IFIH1: variants seen among roughly 807,000 people sequenced by gnomAD.
The protein encoded by IFIH1 is interferon induced with helicase C domain 1, also known as interferon-induced helicase C domain-containing protein 1.
IFIH1 carries 125 observed loss-of-function variants against 107.4 expected under a neutral mutation model. The ratio of observed to expected loss-of-function variants is 1.16; its 90% CI spans 1.01 to 1.35. IFIH1 has a LOEUF of 1.35. Ranked by LOEUF, IFIH1 falls within the 40% of genes most tolerant of loss-of-function variation. The pLI, the probability that IFIH1 is intolerant of heterozygous loss-of-function variation, is 0.00. For synonymous variants in IFIH1, 458 were observed against 413.2 expected (o/e 1.11, Z -1.31); for missense variants, 1,333 against 1,213.7 (o/e 1.10, Z -1.46).
intron 4 of IFIH1, among the ~76,000 whole-genome samples, chr2:162,289,034 G>A (rs537460631): frequency 7.0e-4 from 106 of 151,614 alleles, no homozygotes; most frequent in African/African-American, 2.5e-3. Context: ...AGAGAGTAGA[G>A]GAAAAAACTC....
Position 162,303,639 on chromosome 2 carries a change from TAGAG to T in IFIH1, c.769+3066_769+3069del, listed in dbSNP as rs764448853. On this transcript the variant is annotated intron_variant, in intron 3 of 15. Transcript: ENST00000649979. ...AAGGAAGGGAAGGGAAGGAGGGAGATAGAGAGGAAGGAACCCAAGAGGAAAAAAA... is the reference window on the plus strand; with the variant it reads ...AAGGAAGGGAAGGGAAGGAGGGAGATAGGAAGGAACCCAAGAGGAAAAAAA... 2.3e-4 allele frequency among the ~76,000 whole-genome samples: 35 copies of T among 149,210 alleles called. 1 individual carries two copies. In the East Asian group the frequency reaches 2.6e-3, roughly 11 times the overall value.
intron 2 of IFIH1, 119 bp downstream of exon 2, chr2:162,310,644 TTC>T (rs1683370145): frequency 1.4e-6 from 1 of 735,106 alleles, no homozygotes. Context: ...ATCACATATG[TTC>T]CACTCTTAAA....
chr2:162,282,379 A>T lies in IFIH1; in HGVS notation c.1293T>A (p.Gly431=), dbSNP rs1682826273. The change falls in exon 6 of 16, where the codon GGT becomes GGA. Residue 431 remains glycine, a synonymous_variant. Coordinates refer to ENST00000649979, the MANE Select transcript of IFIH1 (RefSeq NM_022168.4). ...LLNLENGEDA[G]VQLSDFSLII... ...ACTTAAACTGACCTGACAATTGAAC[A>T]CCAGCATCTTCTCCATTTTCCAAGT... 6.2e-7 allele frequency: 1 copy of T among 1,608,434 alleles called. No individual in the cohort carries two copies. Among genetic ancestry groups the T allele is most frequent in the Admixed American group, 1.7e-5 (1 of 59,722 alleles).
chr2:162,299,418 A>G (rs1298242882), intron 3 of IFIH1, among the ~76,000 whole-genome samples: 1 of 152,180 alleles, frequency 6.6e-6, no homozygotes, highest in Non-Finnish European at 1.5e-5. Flanking sequence ...ATACGAATAC[A>G]CTAAGGGTGC....
At chr2:162,300,142 G>T (rs1221864162) in intron 3 of IFIH1, among the ~76,000 whole-genome samples, 1 of 152,088 alleles carries the variant, frequency 6.6e-6, no homozygotes, top group Non-Finnish European at 1.5e-5. Flanking sequence ...CTTCATTAGA[G>T]TATAAACTTT....
At chr2:162,299,337 C>T (rs1408715777) in intron 3 of IFIH1, among the ~76,000 whole-genome samples, 1 of 152,136 alleles carries the variant, frequency 6.6e-6, no homozygotes, top group African/African-American at 2.4e-5. Context: ...ACCTCTTTGG[C>T]TGGTAAGCAC....
intron 2 of IFIH1, among the ~76,000 whole-genome samples, chr2:162,308,807 A>G (rs1308921545): frequency 6.6e-6 from 1 of 152,220 alleles, no homozygotes; most frequent in East Asian, 1.9e-4. Context: ...CCCAAAATTC[A>G]TATCTTTACT....
intron 3 of IFIH1, among the ~76,000 whole-genome samples, chr2:162,305,078 A>G (rs974419654): frequency 6.6e-6 from 1 of 152,200 alleles, no homozygotes; most frequent in African/African-American, 2.4e-5. Context: ...AGTCATTAAA[A>G]ACCAGGCTGT....
Position 162,288,172 on chromosome 2 carries a change from G to GC in IFIH1, c.1057dup (p.Ala353GlyfsTer3). 6.2e-7 allele frequency: 1 copy of GC among 1,612,266 alleles called. No individual in the cohort carries two copies. The highest frequency in any genetic ancestry group is 1.1e-5 in the South Asian group (1 of 91,044). ...AACTATAACTTTTCCAGGCTCAGATGCTTTTTTCTTCTTGTCTAAGTGATC... is the reference window on the plus strand; with the variant it reads ...AACTATAACTTTTCCAGGCTCAGATGCCTTTTTTCTTCTTGTCTAAGTGATC... On this transcript the variant is annotated frameshift_variant, in exon 5 of 16. Transcript: ENST00000649979. LOFTEE classifies it high-confidence loss of function.
At chr2:162,295,946 A>T (rs1156814886) in intron 3 of IFIH1, among the ~76,000 whole-genome samples, 1 of 152,100 alleles carries the variant, frequency 6.6e-6, no homozygotes, top group Non-Finnish European at 1.5e-5. Context: ...GAGGCAAAAA[A>T]GTGAATTTTG....
intron 8 of IFIH1, among the ~76,000 whole-genome samples, chr2:162,279,781 C>A (rs1682773501): frequency 6.6e-6 from 1 of 152,004 alleles, no homozygotes; most frequent in Non-Finnish European, 1.5e-5. Context: ...AATGAATAAG[C>A]TATTCCTCAT....
chr2:162,295,738 C>T (rs772620033), intron 3 of IFIH1, among the ~76,000 whole-genome samples: 1 of 151,876 alleles, frequency 6.6e-6, no homozygotes, highest in Non-Finnish European at 1.5e-5. Flanking sequence ...TATGGCACCT[C>T]GCAATTCCCA....
Position 162,282,394 on chromosome 2 carries a change from A to T in IFIH1, c.1278T>A (p.Asn426Lys). Residue 426 changes from asparagine to lysine, a missense_variant, in exon 6 of 16, where the codon AAT (asparagine) becomes AAA (lysine). Asn to Lys is a moderately conservative substitution (Grantham distance 94). Transcript: ENST00000649979. ...ILENSLLNLE[N>K]GEDAGVQLSD... is the part of the protein sequence containing the mutation. The stretch of plus-strand genomic sequence containing the variant: ...ACAATTGAACACCAGCATCTTCTCC[A>T]TTTTCCAAGTTTAAGAGGGAGTTTT... The T allele has an allele frequency of 6.2e-7, 1 of 1,611,002 alleles. No homozygotes were observed. Among genetic ancestry groups the T allele is most frequent in the South Asian group, 1.1e-5 (1 of 90,752 alleles).
intron 9 of IFIH1, 56 bp from the exon 10 acceptor site, chr2:162,277,749 T>A (rs1310921048): frequency 6.5e-7 from 1 of 1,533,032 alleles, no homozygotes. Flanking sequence ...CCCCTAAAAT[T>A]GTGCCATGGA....
Position 162,318,051 on chromosome 2 carries a change from G to A in IFIH1, c.257C>T (p.Thr86Ile), listed in dbSNP as rs2105238259. The change falls in exon 1 of 16, where the codon ACC becomes ATC. Residue 86 changes from threonine to isoleucine, a missense_variant. By Grantham distance (89) the Thr-to-Ile change is moderately conservative. Transcript: ENST00000649979. ...GTAGCGGGCGGCCAGAGGGCTGCCG[G>A]TTCTCCGGAGGGCCTCCACGAATTC... ...TREFVEALRR[T>I]GSPLAARYMN... 6.2e-7 allele frequency: 1 copy of A among 1,614,170 alleles called. No homozygotes were observed. The highest frequency in any genetic ancestry group is 1.1e-5 in the South Asian group (1 of 91,074).
At chr2:162,312,256 C>T (rs1368078734) in intron 1 of IFIH1, among the ~76,000 whole-genome samples, 1 of 152,094 alleles carries the variant, frequency 6.6e-6, no homozygotes, top group Non-Finnish European at 1.5e-5. Flanking sequence ...TTACAAACAC[C>T]TCACCTGCAC....
intron 13 of IFIH1, among the ~76,000 whole-genome samples, chr2:162,270,951 G>T (rs2105190415): frequency 6.6e-6 from 1 of 152,236 alleles, no homozygotes; most frequent in East Asian, 1.9e-4. Flanking sequence ...CTCTATTTAA[G>T]GTAGAGCCAA....
chr2:162,317,841 G>T lies in IFIH1; in HGVS notation c.453+14C>A. ...TCTGCCTAAAAGGCTAGCTCCATCT[G>T]AACAGACACCTACCCGGTTTCTGTC... On this transcript the variant is annotated intron_variant, in intron 1 of 15. Transcript: ENST00000649979. 6.4e-7 allele frequency: 1 copy of T among 1,552,414 alleles called. No individual in the cohort carries two copies. The highest frequency in any genetic ancestry group is 1.2e-5 in the South Asian group (1 of 80,068).
intron 11 of IFIH1, among the ~76,000 whole-genome samples, chr2:162,274,166 A>G (rs1254414354): frequency 6.6e-6 from 1 of 152,168 alleles, no homozygotes; most frequent in Non-Finnish European, 1.5e-5. Flanking sequence ...AAATATTTCC[A>G]TCATCCAGTC....
Sources: allele counts gnomAD v4.1 joint callset (sites outside exome capture counted in the v4.1 genomes callset), GRCh38; gene constraint gnomAD v4.1.1; transcripts MANE v1.5; gene names NCBI Gene and HGNC (gene_info 2026-07-23, HGNC 2026-07-21).